The following TIMD4 variants were observed in gnomAD, a reference collection of about 807,000 sequenced individuals.
TIMD4 encodes the protein T cell immunoglobulin and mucin domain containing 4.
TIMD4 carries 31 observed loss-of-function variants against 41.2 expected under a neutral mutation model. The observed-to-expected ratio is 0.75, with a 90% CI of 0.57 to 1.01. The LOEUF (loss-of-function observed/expected upper bound fraction) is 1.01. Ranked by LOEUF, TIMD4 falls within the 50% of genes least tolerant of loss-of-function variation. The pLI is 0.00. For synonymous variants in TIMD4, 204 were observed against 177.1 expected (o/e 1.15, Z -1.21); for missense variants, 479 against 472.5 (o/e 1.01, Z -0.13).
rs548545879 is a variant in TIMD4, at chr5:156,921,394, G to A, written c.1012+705C>T. The stretch of plus-strand genomic sequence containing the variant: ...CCAGAGCTTTGGGAGGCTAAAGTGG[G>A]TGGATCACCTGAGGTCAGGAGTTTG... On this transcript the variant is annotated intron_variant, in intron 7 of 8. Coordinates refer to ENST00000274532, the MANE Select transcript of TIMD4 (RefSeq NM_138379.3). 1.1e-4 allele frequency among the ~76,000 whole-genome samples: 16 copies of A among 152,052 alleles called. No individual in the cohort carries two copies. The South Asian group carries it at 3.3e-3, about 32-fold the overall frequency.
rs566537942 is a variant in TIMD4 at position 156,933,360 on chromosome 5, T to A, written c.845-7048A>T. On this transcript the variant is annotated intron_variant, in intron 5 of 8. Coordinates refer to ENST00000274532, the MANE Select transcript of TIMD4 (RefSeq NM_138379.3). ...ATCAAGATGCTCTCTCTACAAAAAA[T>A]TTTTGTAACAAATTAGCCAGGCATT... 7.9e-5 allele frequency among the ~76,000 whole-genome samples: 12 copies of A among 152,058 alleles called. No homozygotes were observed. The South Asian group carries it at 2.3e-3, about 29-fold the overall frequency.
At chr5:156,923,799 G>A (rs539652274) in intron 6 of TIMD4, among the ~76,000 whole-genome samples, 1 of 151,924 alleles carries the variant, frequency 6.6e-6, no homozygotes, top group Admixed American at 6.6e-5. Context: ...TCCTGCCTCG[G>A]CTTCCCAAAG....
chr5:156,959,196 A>AG (rs1269421935), intron 1 of TIMD4, among the ~76,000 whole-genome samples: 2 of 152,194 alleles, frequency 1.3e-5, no homozygotes, highest in Non-Finnish European at 2.9e-5. Context: ...AATTAATATA[A>AG]GAAAAGGAAG....
chr5:156,932,352 C>T (rs1009276115), intron 5 of TIMD4, among the ~76,000 whole-genome samples: 3 of 152,154 alleles, frequency 2.0e-5, no homozygotes, highest in Non-Finnish European at 4.4e-5. Flanking sequence ...GTCAAAGCGA[C>T]CTTCTATGTG....
chr5:156,955,230 A>G (rs943354556), intron 1 of TIMD4, among the ~76,000 whole-genome samples: 1 of 152,052 alleles, frequency 6.6e-6, no homozygotes, highest in African/African-American at 2.4e-5. Flanking sequence ...TGATTTAAAT[A>G]CTCTGATTTG....
chr5:156,919,581 G>A (rs773843945), intron 8 of TIMD4, 40 bp from the exon 9 acceptor site: 4 of 1,551,320 alleles, frequency 2.6e-6, no homozygotes, highest in Non-Finnish European at 3.6e-6. Context: ...GGAAACACAA[G>A]ACTAGAAAAC....
chr5:156,922,091 C>G lies in TIMD4; in HGVS notation c.1012+8G>C. 2.5e-6 allele frequency: 4 copies of G among 1,611,572 alleles called. No homozygotes were observed. The highest frequency in any genetic ancestry group is 3.4e-6 in the Non-Finnish European group (4 of 1,178,354). On this transcript the variant is annotated splice_region_variant and intron_variant, in intron 7 of 8. Coordinates refer to ENST00000274532, the MANE Select transcript of TIMD4 (RefSeq NM_138379.3). ...GAAGTGCTCCATCACCTGGCCCTCC[C>G]TCCTTACCTCTCAGGAGAAACGCCA...
At chr5:156,924,192 C>A in intron 6 of TIMD4, 1 of 448,044 alleles carries the variant, frequency 2.2e-6, no homozygotes. Flanking sequence ...TATGCAGCAC[C>A]AAAAAAGGAC....
intron 5 of TIMD4, among the ~76,000 whole-genome samples, chr5:156,933,421 T>C (rs1759479068): frequency 1.3e-5 from 2 of 151,840 alleles, no homozygotes; most frequent in South Asian, 4.2e-4. Context: ...TTCACTGCAC[T>C]ACAGCTTGGG....
chr5:156,941,511 T>A (rs1759652263), intron 5 of TIMD4, among the ~76,000 whole-genome samples: 1 of 152,246 alleles, frequency 6.6e-6, no homozygotes, highest in Admixed American at 6.5e-5. Flanking sequence ...TTGCTCATGC[T>A]GTTCTTCCAT....
intron 5 of TIMD4, 23 bp from the exon 6 acceptor site, chr5:156,926,335 A>G: frequency 1.2e-6 from 2 of 1,612,780 alleles, no homozygotes; most frequent in Non-Finnish European, 8.5e-7. Context: ...AGAGAAGAAA[A>G]TGGTTATATG....
chr5:156,952,864 T>C (rs755586684), intron 2 of TIMD4, among the ~76,000 whole-genome samples: 1 of 152,248 alleles, frequency 6.6e-6, no homozygotes, highest in Non-Finnish European at 1.5e-5. Flanking sequence ...CCAAAAACAT[T>C]GCATGAATAC....
At chr5:156,944,090 A>ATTCT (rs1759693960) in intron 5 of TIMD4, among the ~76,000 whole-genome samples, 1 of 151,896 alleles carries the variant, frequency 6.6e-6, no homozygotes, top group Non-Finnish European at 1.5e-5. Context: ...AAGAAATAAA[A>ATTCT]TTAATCCCAT....
At chr5:156,937,978 G>C (rs1391895162) in intron 5 of TIMD4, among the ~76,000 whole-genome samples, 1 of 152,140 alleles carries the variant, frequency 6.6e-6, no homozygotes, top group Non-Finnish European at 1.5e-5. Flanking sequence ...GTACAAATGT[G>C]GTTTCCTTCA....
Position 156,949,718 on chromosome 5 carries a change from GAC to G in TIMD4, c.691_692del (p.Val231ProfsTer4), listed in dbSNP as rs760183544. On this transcript the variant is annotated frameshift_variant, in exon 4 of 9. Coordinates refer to ENST00000274532, the MANE Select transcript of TIMD4 (RefSeq NM_138379.3). LOFTEE classifies it high-confidence loss of function. Reference protein sequence around the residue: ...GPILTAESETVLPSDSWSSVE... With the variant: ...GPILTAESETXLPSDSWSSVE... ...CACTACTCCAGGAATCACTGGGGAG[GAC>G]AGTTTCTGATTCTGGAAGAGAAAAA... 1 of 1,612,784 alleles carries G rather than the reference GAC, an allele frequency of 6.2e-7. No individual in the cohort carries two copies. The highest frequency in any genetic ancestry group is 8.5e-7 in the Non-Finnish European group (1 of 1,178,878).
rs1291485439 is a variant in TIMD4, at chr5:156,920,121, C to T, written c.1052+343G>A. Among the ~76,000 whole-genome samples the T allele has an allele frequency of 4.6e-5, 7 of 152,198 alleles. No homozygotes were observed. In the South Asian group the frequency reaches 6.2e-4, roughly 14 times the overall value. On this transcript the variant is annotated intron_variant, in intron 8 of 8. Transcript: ENST00000274532. Reference sequence around the variant, plus strand: ...CTTTTTTCATTTTCCATATTGCCAACGCTCCTCAATAAACTCCAGTTTAAC... The same window carrying T: ...CTTTTTTCATTTTCCATATTGCCAATGCTCCTCAATAAACTCCAGTTTAAC...
At chr5:156,954,033 A>ATACATTTT (rs1303025132) in intron 2 of TIMD4, among the ~76,000 whole-genome samples, 1 of 152,204 alleles carries the variant, frequency 6.6e-6, no homozygotes, top group African/African-American at 2.4e-5. Flanking sequence ...TGACCCCTGA[A>ATACATTTT]TACATTTTAT....
In TIMD4 at chr5:156,922,390, C is replaced by T. The variant is rs141667751; in HGVS notation, c.895-174G>A. On this transcript the variant is annotated intron_variant, in intron 6 of 8. Transcript: ENST00000274532. ...ACGTGACCCATATCCCAAAATTTTCCGAAGTGTTAGACATCAGGCATAAGG... is the reference window on the plus strand; with the variant it reads ...ACGTGACCCATATCCCAAAATTTTCTGAAGTGTTAGACATCAGGCATAAGG... 5.5e-3 allele frequency among the ~76,000 whole-genome samples: 834 copies of T among 152,228 alleles called. 6 individuals are homozygous for T. The highest frequency in any genetic ancestry group is 0.019 in the African/African-American group (788 of 41,536).
At chr5:156,955,028 G>A (rs1759945710) in intron 1 of TIMD4, among the ~76,000 whole-genome samples, 1 of 151,964 alleles carries the variant, frequency 6.6e-6, no homozygotes, top group Non-Finnish European at 1.5e-5. Context: ...CAGGTGCGTG[G>A]CAGCATTCCC....
Sources: allele counts gnomAD v4.1 joint callset (sites outside exome capture counted in the v4.1 genomes callset), GRCh38; gene constraint gnomAD v4.1.1; transcripts MANE v1.5; gene names NCBI Gene and HGNC (gene_info 2026-07-23, HGNC 2026-07-21).